NOP56: variants seen among roughly 807,000 people sequenced by gnomAD.
NOP56 encodes the protein nucleolar protein 56.
NOP56 carries 31 observed loss-of-function variants against 58.3 expected under a neutral mutation model. The observed-to-expected ratio is 0.53, with a 90% CI of 0.40 to 0.72. The LOEUF is 0.72. Among genes scored for constraint, NOP56 ranks in the 30% least tolerant of loss-of-function variants. The pLI is 0.00. For missense variants in NOP56, 669 were observed against 739.9 expected, an observed-to-expected ratio of 0.90 and a Z score of 1.11; for synonymous variants, 313 against 282.8, an observed-to-expected ratio of 1.11 and a Z score of -1.07.
At chr20:2,655,042 A>C in intron 5 of NOP56, 95 bp downstream of exon 5, 1 of 1,474,162 alleles carries the variant, frequency 6.8e-7, no homozygotes, top group Non-Finnish European at 9.4e-7. Flanking sequence ...TGTGGGTAGA[A>C]CCATGTGGGC....
At chr20:2,654,043 T>C in intron 3 of NOP56, 1 of 421,024 alleles carries the variant, frequency 2.4e-6, no homozygotes, top group South Asian at 1.8e-5. Flanking sequence ...GGTTCTCTGC[T>C]TTCTGTTCGA....
chr20:2,653,942 G>A (rs910039417), intron 3 of NOP56: 15 of 335,150 alleles, frequency 4.5e-5, no homozygotes, highest in Non-Finnish European at 8.3e-5. Context: ...CGCGAGCGAC[G>A]GTGCCCGGCC....
At chr20:2,652,983 G>C (rs769596475) in intron 2 of NOP56, 52 bp downstream of exon 2, 3 of 1,485,532 alleles carry the variant, frequency 2.0e-6, no homozygotes, top group Admixed American at 2.0e-5. Flanking sequence ...CTCATCGCGC[G>C]GGTCCCAGCA....
At chr20:2,653,546 T>C in intron 3 of NOP56, 153 bp downstream of exon 3, 1 of 640,812 alleles carries the variant, frequency 1.6e-6, no homozygotes, top group Non-Finnish European at 2.8e-6. Flanking sequence ...TTTGAAATAA[T>C]TGTCTTCACA....
At chr20:2,656,140 C>T (rs1481878800) in intron 8 of NOP56, 106 bp downstream of exon 8, 5 of 1,611,132 alleles carry the variant, frequency 3.1e-6, no homozygotes, top group Non-Finnish European at 3.4e-6. Context: ...CTATACAGGC[C>T]TCTGCTATGG....
intron 3 of NOP56, chr20:2,654,114 A>G (rs1271655311): frequency 3.3e-6 from 2 of 597,632 alleles, no homozygotes; most frequent in African/African-American, 3.6e-5. Flanking sequence ...CAGAAGGCAA[A>G]TTCTACGAAA....
At position 2,657,227 on chromosome 20, in the gene NOP56, G is replaced by A; in HGVS notation, c.1419+9G>A. On this transcript the variant is annotated intron_variant, in intron 11 of 11. Transcript: ENST00000329276. ...CTCCAGAGGAGTGTGAGGTCAGTAG[G>A]CAGCACGGCCCTGGCAGAGATCCTA... 1.2e-6 allele frequency: 2 copies of A among 1,614,064 alleles called. No individual in the cohort carries two copies. The highest frequency in any genetic ancestry group is 1.7e-6 in the Non-Finnish European group (2 of 1,179,972).
rs140030798 is a variant in NOP56, at chr20:2,658,084, C to T, written c.1575C>T (p.Thr525=). 681 of 1,614,000 alleles carry T rather than the reference C, an allele frequency of 4.2e-4. 4 individuals carry two copies. The African/African-American group carries it at 7.8e-3, about 18-fold the overall frequency. The change falls in exon 12 of 12, where the codon ACC becomes ACT. Residue 525 remains threonine, a synonymous_variant. Coordinates refer to ENST00000329276, the MANE Select transcript of NOP56 (RefSeq NM_006392.4). Reference sequence around the variant, plus strand: ...TGATGAGTAGCGATCTTGAAGAGACCGCTGGCAGCACCAGTATTCCCAAGA... The same window carrying T: ...TGATGAGTAGCGATCTTGAAGAGACTGCTGGCAGCACCAGTATTCCCAAGA... ...EELMSSDLEE[T]AGSTSIPKRK...
chr20:2,653,105 C>G, intron 2 of NOP56, 174 bp downstream of exon 2: 1 of 777,008 alleles, frequency 1.3e-6, no homozygotes, highest in Non-Finnish European at 2.1e-6. Context: ...ATCGCTCTAG[C>G]AATTAGAAAT....
intron 11 of NOP56, chr20:2,657,599 C>A: frequency 2.0e-6 from 1 of 505,616 alleles, no homozygotes. Flanking sequence ...TACAATCATT[C>A]TCCCTGAGAT....
rs762034044 is a variant in NOP56, at chr20:2,652,744, T to TGGGCCCGGGCCTGGGCCTGGGCCC, written c.3+86_3+87insCGGGCCTGGGCCTGGGCCCGGGCC. The TGGGCCCGGGCCTGGGCCTGGGCCC allele has an allele frequency of 9.7e-5, 148 of 1,522,798 alleles. 2 individuals carry two copies. In the Admixed American group the frequency reaches 2.5e-3, roughly 26 times the overall value. 94.3% of individuals were successfully genotyped at this position (1,522,798 alleles called of 1,614,324 possible). A position where few individuals can be genotyped will look rare whatever the true frequency, so the allele number is the denominator to read the frequency against. On this transcript the variant is annotated intron_variant, in intron 1 of 11. Transcript: ENST00000329276. ...TCGGGCCGCAGACAGGGCCTGGGCC[T>TGGGCCCGGGCCTGGGCCTGGGCCC]GGGCCTGGGCCTGCGCCTGCGCCTG...
At chr20:2,656,601 G>T in intron 9 of NOP56, 52 bp downstream of exon 9, 1 of 1,610,034 alleles carries the variant, frequency 6.2e-7, no homozygotes. Context: ...GTGGCTGGGT[G>T]GGGAGGCTTG....
rs768469522 is a variant in NOP56, at chr20:2,658,202, G to A, written c.1693G>A (p.Glu565Lys). 2.9e-5 allele frequency: 47 copies of A among 1,607,136 alleles called. No homozygotes were observed. Among genetic ancestry groups the A allele is most frequent in the Middle Eastern group, 1.7e-4 (1 of 6,010 alleles). Residue 565 changes from glutamate to lysine, a missense_variant, in exon 12 of 12, where the codon GAG becomes AAG. This residue lies in a region of NOP56 where 209 missense variants were observed against 196.2 expected (regional missense o/e 1.07). Transcript: ENST00000329276. ...GSKKKRKFSK[E>K]EPVSSGPEEA... ...CAAGAAAAAGAGGAAATTCTCCAAA[G>A]AGGAGCCGGTCAGCAGTGGGCCTGA...
chr20:2,658,114 G>GC lies in NOP56; in HGVS notation c.1605_1606insC (p.Lys536GlnfsTer10). 6.2e-7 allele frequency: 1 copy of GC among 1,614,160 alleles called. No individual in the cohort carries two copies. The highest frequency in any genetic ancestry group is 1.1e-5 in the South Asian group (1 of 91,080). On this transcript the variant is annotated frameshift_variant, in exon 12 of 12. Transcript: ENST00000329276. LOFTEE classifies it low-confidence loss of function (END_TRUNC). ...GCAGCACCAGTATTCCCAAGAGGAA[G>GC]AAGTCTACACCCAAGGAGGAAACAG... is the stretch of plus-strand genomic sequence containing the variant.
chr20:2,655,157 C>G (rs1434409434), intron 5 of NOP56, 168 bp from the exon 6 acceptor site: 1 of 1,065,900 alleles, frequency 9.4e-7, no homozygotes, highest in African/African-American at 1.6e-5. Flanking sequence ...CACCTCAGCT[C>G]AGGCCCTGTG....
At position 2,658,137 on chromosome 20, in the gene NOP56, C is replaced by A; in HGVS notation, c.1628C>A (p.Thr543Lys). Reference sequence around the variant, plus strand: ...AAGAAGTCTACACCCAAGGAGGAAACAGTTAATGACCCTGAGGAGGCAGGC... The same window carrying A: ...AAGAAGTCTACACCCAAGGAGGAAAAAGTTAATGACCCTGAGGAGGCAGGC... ...KRKKSTPKEE[T>K]VNDPEEAGHR... The change falls in exon 12 of 12, where the codon ACA becomes AAA. Residue 543 changes from threonine (T) to lysine (K), a missense_variant. This residue lies in a region of NOP56 where 209 missense variants were observed against 196.2 expected (regional missense o/e 1.07). Coordinates refer to ENST00000329276, the MANE Select transcript of NOP56 (RefSeq NM_006392.4). 6.2e-7 allele frequency: 1 copy of A among 1,614,000 alleles called. No homozygotes were observed. The highest frequency in any genetic ancestry group is 8.5e-7 in the Non-Finnish European group (1 of 1,179,956).
At chr20:2,657,053 G>C in intron 10 of NOP56, 28 bp from the exon 11 acceptor site, 1 of 1,614,130 alleles carries the variant, frequency 6.2e-7, no homozygotes, top group Non-Finnish European at 8.5e-7. Flanking sequence ...GAAGTCTTCA[G>C]GCCCTTTTAG....
intron 8 of NOP56, 113 bp downstream of exon 8, chr20:2,656,147 A>C (rs767274162): frequency 6.2e-7 from 1 of 1,610,208 alleles, no homozygotes; most frequent in Non-Finnish European, 8.5e-7. Context: ...GGCCTCTGCT[A>C]TGGGGGTGAT....
At chr20:2,657,035 G>A in intron 10 of NOP56, 46 bp from the exon 11 acceptor site, 1 of 1,614,078 alleles carries the variant, frequency 6.2e-7, no homozygotes, top group Non-Finnish European at 8.5e-7. Context: ...GGAGTCCTCA[G>A]AGCACCAGAA....
Sources: gnomAD v4.1 joint callset for allele counts on GRCh38, gnomAD v4.1.1 for gene constraint, gnomAD v4.1.1 regional missense constraint, MANE v1.5 for transcripts, NCBI Gene and HGNC (gene_info 2026-07-23, HGNC 2026-07-21) for gene names.